C4orf50: variants seen among roughly 807,000 people sequenced by gnomAD.
C4orf50 encodes chromosome 4 open reading frame 50.
C4orf50 carries 80 observed loss-of-function variants against 77.2 expected under a neutral mutation model. The observed-to-expected ratio is 1.04, with a 90% CI of 0.87 to 1.25. The LOEUF (loss-of-function observed/expected upper bound fraction) is 1.25. Among genes scored for constraint, C4orf50 ranks in the 50% most tolerant of loss-of-function variants. The pLI is 0.00. For synonymous variants in C4orf50, 532 were observed against 465.3 expected, an observed-to-expected ratio of 1.14 and a Z score of -1.84; for missense variants, 1,257 against 1,152.9, an observed-to-expected ratio of 1.09 and a Z score of -1.31.
At chr4:5,952,673 A>G (rs1718781647), downstream of C4orf50, among the ~76,000 whole-genome samples, 1 of 152,204 alleles carries the variant, frequency 6.6e-6, no homozygotes, top group South Asian at 2.1e-4. This position sits in a 1 kb window ranked among gnomAD's most constrained non-coding sequence, Gnocchi z 4.4. Context: ...GCGCTAAAGA[A>G]AGAAACTGGC....
At chr4:5,989,078 T>C in exon 28 of C4orf50, 1 of 1,536,066 alleles carries the variant, frequency 6.5e-7, no homozygotes, top group East Asian at 2.4e-5. Context: ...AGTTCTTTCT[T>C]TAACTGAGAG....
At chr4:6,016,628 A>G (rs1722695392) in intron 23 of C4orf50, among the ~76,000 whole-genome samples, 2 of 152,198 alleles carry the variant, frequency 1.3e-5, no homozygotes, top group South Asian at 4.1e-4. Flanking sequence ...CCAAGGGCCT[A>G]TAGACAACGT....
chr4:5,942,594 C>A (rs1718314147), intron 7 of C4orf50, among the ~76,000 whole-genome samples: 2 of 152,144 alleles, frequency 1.3e-5, no homozygotes, highest in Admixed American at 6.5e-5. Context: ...TGCTCTATGC[C>A]AGGCCCTGTT....
chr4:5,955,737 C>A (rs1334503229), downstream of C4orf50, among the ~76,000 whole-genome samples: 18 of 152,170 alleles, frequency 1.2e-4, no homozygotes, highest in Non-Finnish European at 2.6e-4. The surrounding 1 kb of genome is among the most constrained non-coding windows in gnomAD (Gnocchi z 5.1). Context: ...TGAGCACCTG[C>A]AGATGGAAAC....
chr4:6,018,503 T>C lies in C4orf50; in HGVS notation c.-72A>G, dbSNP rs560069205. ...GTTTGCAACATTGACTTCCCGGAGA[T>C]TTCAAGGTGGTGTTTGTGACTTCAG... On this transcript the variant is annotated 5_prime_UTR_variant, in exon 23 of 34. Coordinates refer to ENST00000531445, the Ensembl canonical transcript of C4orf50. The surrounding 1 kb of genome is among the most constrained non-coding windows in gnomAD (Gnocchi z 5.1). The C allele has an allele frequency of 5.0e-6, 2 of 398,354 alleles. No homozygotes were observed. Among genetic ancestry groups the C allele is most frequent in the Non-Finnish European group, 8.8e-6 (2 of 226,028 alleles). The allele number at this position is 398,354 out of a possible 1,614,324, so 24.7% of individuals were successfully genotyped here. A position where few individuals can be genotyped will look rare whatever the true frequency, so the allele number is the denominator to read the frequency against.
At chr4:5,977,879 G>A (rs1347109338) in intron 29 of C4orf50, among the ~76,000 whole-genome samples, 2 of 152,124 alleles carry the variant, frequency 1.3e-5, no homozygotes, top group African/African-American at 4.8e-5. Flanking sequence ...AAATTAAAAA[G>A]ATAACCTACA....
intron 7 of C4orf50, among the ~76,000 whole-genome samples, chr4:5,942,792 T>C (rs6839699): frequency 0.09 from 13,624 of 152,186 alleles, 1,884 homozygotes; most frequent in African/African-American, 0.29. Flanking sequence ...AAATAGCATG[T>C]CAATACTGCA....
intron 33 of C4orf50, among the ~76,000 whole-genome samples, chr4:5,960,160 T>C (rs7695500): frequency 0.64 from 97,355 of 152,104 alleles, 31,954 homozygotes; most frequent in African/African-American, 0.72. Context: ...AATGCCTTCA[T>C]TAAATGTATT....
intron 7 of C4orf50, chr4:5,902,080 C>G (rs182373344): frequency 1.3e-5 from 2 of 152,352 alleles, no homozygotes; most frequent in African/African-American, 4.8e-5. Context: ...TCAATCAGTG[C>G]TTGTTCCTTG....
rs554443862 is a variant in C4orf50 at position 5,992,566 on chromosome 4, G to C, written c.1221+237C>G. ...GTGTCAACGAGATGAAGCCTGTTCCGTGGAAGCCCAGGCCTGGCACCCAGT... is the reference window on the plus strand; with the variant it reads ...GTGTCAACGAGATGAAGCCTGTTCCCTGGAAGCCCAGGCCTGGCACCCAGT... On this transcript the variant is annotated intron_variant, in intron 27 of 33. Transcript: ENST00000531445. This position sits in a 1 kb window ranked among gnomAD's most constrained non-coding sequence, Gnocchi z 5.0. Among the ~76,000 whole-genome samples, 1 of 152,210 alleles carries C rather than the reference G, an allele frequency of 6.6e-6. No individual in the cohort carries two copies. Among genetic ancestry groups the C allele is most frequent in the South Asian group, 2.1e-4 (1 of 4,814 alleles).
Position 6,009,547 on chromosome 4 carries a change from T to C in C4orf50, c.427-1015A>G, listed in dbSNP as rs10516178. ...CTGGTCTTCCTGAAGGCGTGTATTC[T>C]GTAATGATCTTTGCATGGTGCCCGG... On this transcript the variant is annotated intron_variant, in intron 24 of 33. Coordinates refer to ENST00000531445, the Ensembl canonical transcript of C4orf50. This position sits in a 1 kb window ranked among gnomAD's most constrained non-coding sequence, Gnocchi z 5.6. 0.036 allele frequency among the ~76,000 whole-genome samples: 5,550 copies of C among 152,304 alleles called. 201 individuals carry two copies. Among genetic ancestry groups the C allele is most frequent in the African/African-American group, 0.092 (3,815 of 41,556 alleles).
intron 28 of C4orf50, among the ~76,000 whole-genome samples, chr4:5,986,289 T>A (rs965925617): frequency 3.3e-5 from 5 of 152,140 alleles, no homozygotes; most frequent in African/African-American, 9.7e-5. Context: ...ACTAAAATAA[T>A]ATACTGTATA....
intron 7 of C4orf50, among the ~76,000 whole-genome samples, chr4:5,936,784 C>G (rs1718045024): frequency 6.6e-6 from 1 of 151,656 alleles, no homozygotes; most frequent in South Asian, 2.1e-4. Context: ...TCATGAACCC[C>G]AGGTAGGATA....
intron 7 of C4orf50, among the ~76,000 whole-genome samples, chr4:5,925,083 T>G (rs1430493560): frequency 6.6e-5 from 10 of 151,852 alleles, no homozygotes; most frequent in Non-Finnish European, 2.9e-5. Context: ...AAGCTGCTTT[T>G]GGGTTTGCCA....
At chr4:5,972,197 G>A (rs1384381156) in intron 31 of C4orf50, among the ~76,000 whole-genome samples, 4 of 151,998 alleles carry the variant, frequency 2.6e-5, no homozygotes, top group Non-Finnish European at 5.9e-5. Context: ...TAGAGACGGG[G>A]TTTCACCATG....
chr4:5,964,781 A>T (rs1477653114), intron 33 of C4orf50, among the ~76,000 whole-genome samples: 5 of 151,314 alleles, frequency 3.3e-5, no homozygotes, highest in Non-Finnish European at 7.4e-5. Flanking sequence ...AAAAAAAAAA[A>T]AAAAAAAAAT....
intron 31 of C4orf50, among the ~76,000 whole-genome samples, chr4:5,971,323 G>A (rs1280474834): frequency 2.8e-4 from 42 of 152,148 alleles, no homozygotes; most frequent in Admixed American, 2.7e-3. Flanking sequence ...AGTGGCCAGC[G>A]CCACGCCCAC....
Position 6,000,663 on chromosome 4 carries a change from T to G in C4orf50, c.964-6187A>C, listed in dbSNP as rs941424671. Among the ~76,000 whole-genome samples the G allele has an allele frequency of 6.6e-6, 1 of 152,270 alleles. No homozygotes were observed. The highest frequency in any genetic ancestry group is 3.4e-3 in the Middle Eastern group (1 of 294). ...CTTCACCCAATCTGTTTTGTCATCC[T>G]GTGGGGCAGGGTCTTGTCTCACTCC... is the stretch of plus-strand genomic sequence containing the variant. On this transcript the variant is annotated intron_variant, in intron 25 of 33. Coordinates refer to ENST00000531445, the Ensembl canonical transcript of C4orf50. This position sits in a 1 kb window ranked among gnomAD's most constrained non-coding sequence, Gnocchi z 6.0.
intron 30 of C4orf50, among the ~76,000 whole-genome samples, chr4:5,975,694 GC>G (rs1251242331): frequency 2.6e-5 from 4 of 151,940 alleles, no homozygotes; most frequent in Non-Finnish European, 5.9e-5. Flanking sequence ...TGGCCATGTT[GC>G]CCAGGCCGGT....
Sources: gnomAD v4.1 joint callset for allele counts (sites outside exome capture counted in the v4.1 genomes callset) on GRCh38, gnomAD v4.1.1 for gene constraint, Gnocchi (gnomAD v3.1) non-coding constraint, MANE v1.5 for transcripts, NCBI Gene and HGNC (gene_info 2026-07-23, HGNC 2026-07-21) for gene names.